The following FAT3 variants were observed in gnomAD, a reference collection of about 807,000 sequenced individuals.
The protein encoded by FAT3 is FAT atypical cadherin 3, also known as protocadherin Fat 3.
In FAT3, 95 loss-of-function variants were observed where a neutral mutation model predicts 310.2. The ratio of observed to expected loss-of-function variants is 0.31; its 90% CI spans 0.26 to 0.36. The LOEUF is 0.36. Among genes scored for constraint, FAT3 ranks in the 10% least tolerant of loss-of-function variants. FAT3 has a pLI of 1.00. For missense variants in FAT3, 5,408 were observed against 5,715.6 expected, an observed-to-expected ratio of 0.95 and a Z score of 1.74; for synonymous variants, 2,314 against 2,192.9, an observed-to-expected ratio of 1.06 and a Z score of -1.54.
chr11:92,636,466 A>G (rs541036699), intron 3 of FAT3, among the ~76,000 whole-genome samples: 13 of 152,312 alleles, frequency 8.5e-5, no homozygotes, highest in African/African-American at 3.1e-4. Flanking sequence ...ATCTTCTTAA[A>G]GGACTTACTG....
chr11:92,814,188 A>G (rs1333875877), intron 13 of FAT3, among the ~76,000 whole-genome samples: 5 of 152,222 alleles, frequency 3.3e-5, no homozygotes, highest in African/African-American at 7.2e-5. Flanking sequence ...GGTATTTTTT[A>G]TAGCCCAAAC....
At position 92,712,593 on chromosome 11, in the gene FAT3, G is replaced by GAA. The variant is rs5793618; in HGVS notation, c.3669+15155_3669+15156dup. 4.2e-3 allele frequency among the ~76,000 whole-genome samples: 631 copies of GAA among 151,710 alleles called. 3 individuals are homozygous for GAA. The highest frequency in any genetic ancestry group is 6.8e-3 in the Middle Eastern group (2 of 294). ...AAGTAAATATTAGCTGAATTAAAAT[G>GAA]AAAAAAAATATATTCTTACCTTCTC... On this transcript the variant is annotated intron_variant, in intron 4 of 27. Coordinates refer to ENST00000525166, the MANE Select transcript of FAT3 (RefSeq NM_001367949.2).
chr11:92,652,746 T>G (rs1942431375), intron 3 of FAT3, among the ~76,000 whole-genome samples: 1 of 152,212 alleles, frequency 6.6e-6, no homozygotes, highest in Admixed American at 6.5e-5. Flanking sequence ...CCTGTAATAA[T>G]TTCCCCTTTA....
intron 3 of FAT3, among the ~76,000 whole-genome samples, chr11:92,543,748 T>C (rs935825197): frequency 1.3e-5 from 2 of 152,228 alleles, no homozygotes; most frequent in African/African-American, 4.8e-5. Context: ...GAGTTGATGA[T>C]ATTGTTCTGC....
rs773233388 is a variant in FAT3, at chr11:92,790,044, C to T, written c.4437C>T (p.Ile1479=). The stretch of plus-strand genomic sequence containing the variant: ...AGGATGTGCTTCCAGACACGGAGAT[C>T]CTGCAGATTGAAGCCACAGATAGAG... The part of the protein sequence containing the change: ...ISEDVLPDTE[I]LQIEATDRDE... Residue 1479 remains isoleucine (I), a synonymous_variant, in exon 8 of 28, where the codon ATC becomes ATT. Coordinates refer to ENST00000525166, the MANE Select transcript of FAT3 (RefSeq NM_001367949.2). 1.2e-5 allele frequency: 20 copies of T among 1,613,824 alleles called. No individual in the cohort carries two copies. Among genetic ancestry groups the T allele is most frequent in the Admixed American group, 3.3e-5 (2 of 60,010 alleles).
intron 2 of FAT3, among the ~76,000 whole-genome samples, chr11:92,429,440 T>C (rs537213843): frequency 6.6e-6 from 1 of 152,326 alleles, no homozygotes; most frequent in South Asian, 2.1e-4. Context: ...AGCTGATTAT[T>C]TTGCCCATTA....
chr11:92,815,346 G>A (rs924369501), intron 13 of FAT3, among the ~76,000 whole-genome samples: 16 of 151,990 alleles, frequency 1.1e-4, no homozygotes, highest in African/African-American at 3.9e-4. Context: ...GGCTGAGGAG[G>A]GCAGATCACA....
At chr11:92,847,214 C>G (rs1163567422) in intron 19 of FAT3, among the ~76,000 whole-genome samples, 1 of 152,146 alleles carries the variant, frequency 6.6e-6, no homozygotes, top group Admixed American at 6.5e-5. Context: ...TAGTCCCATA[C>G]GATTATAATA....
chr11:92,269,599 C>T (rs1021034638), intron 1 of FAT3, among the ~76,000 whole-genome samples: 22 of 152,086 alleles, frequency 1.4e-4, no homozygotes, highest in Admixed American at 7.9e-4. Context: ...GAGGATTTCT[C>T]ATTAGAAGTT....
chr11:92,842,764 A>G (rs1046730922), intron 18 of FAT3, among the ~76,000 whole-genome samples: 13 of 152,178 alleles, frequency 8.5e-5, no homozygotes, highest in Admixed American at 5.2e-4. Context: ...CTATATTCCC[A>G]GCTACTCAGG....
At chr11:92,754,245 A>T (rs1323761401) in intron 4 of FAT3, among the ~76,000 whole-genome samples, 1 of 152,156 alleles carries the variant, frequency 6.6e-6, no homozygotes, top group Non-Finnish European at 1.5e-5. Context: ...AACACTTGAG[A>T]TATGGAAACA....
intron 3 of FAT3, among the ~76,000 whole-genome samples, chr11:92,612,996 G>T (rs569485980): frequency 6.6e-6 from 1 of 152,266 alleles, no homozygotes; most frequent in East Asian, 1.9e-4. Flanking sequence ...CAGCATAATA[G>T]GTAGGACGGG....
At chr11:92,731,939 G>T (rs1441277237) in intron 4 of FAT3, among the ~76,000 whole-genome samples, 3 of 152,136 alleles carry the variant, frequency 2.0e-5, no homozygotes, top group African/African-American at 7.2e-5. Context: ...TTTGTTGAAT[G>T]AATGACTTTA....
intron 21 of FAT3, among the ~76,000 whole-genome samples, 178 bp downstream of exon 21, chr11:92,859,500 G>A (rs1404009876): frequency 6.6e-6 from 1 of 152,132 alleles, no homozygotes; most frequent in Non-Finnish European, 1.5e-5. Context: ...ATTTCCTTTT[G>A]AACATTCAGC....
intron 1 of FAT3, among the ~76,000 whole-genome samples, chr11:92,325,028 A>T (rs958602121): frequency 1.3e-5 from 2 of 152,228 alleles, no homozygotes; most frequent in Non-Finnish European, 2.9e-5. Flanking sequence ...CGTTTCAAAC[A>T]TGCTAGTTAA....
At chr11:92,350,960 T>G (rs145256242) in intron 1 of FAT3, among the ~76,000 whole-genome samples, 244 of 152,306 alleles carry the variant, frequency 1.6e-3, no homozygotes, top group African/African-American at 5.5e-3. Flanking sequence ...ATGAATAGAC[T>G]TAACTTTTTC....
chr11:92,777,255 T>C (rs1490353528), intron 7 of FAT3, among the ~76,000 whole-genome samples: 1 of 152,200 alleles, frequency 6.6e-6, no homozygotes, highest in Non-Finnish European at 1.5e-5. Flanking sequence ...GTTCAAGTCA[T>C]CCATAAACAA....
intron 3 of FAT3, among the ~76,000 whole-genome samples, chr11:92,603,774 G>T (rs779038256): frequency 6.6e-6 from 1 of 152,112 alleles, no homozygotes; most frequent in Non-Finnish European, 1.5e-5. Flanking sequence ...AACTAGCATT[G>T]GAAATATAGT....
intron 1 of FAT3, among the ~76,000 whole-genome samples, chr11:92,283,277 G>A (rs976638257): frequency 9.9e-5 from 15 of 152,248 alleles, no homozygotes; most frequent in African/African-American, 3.4e-4. Flanking sequence ...TTGCCCATGA[G>A]TGAAGAGGCA....
Sources: allele counts gnomAD v4.1 joint callset (sites outside exome capture counted in the v4.1 genomes callset), GRCh38; gene constraint gnomAD v4.1.1; transcripts MANE v1.5; gene names NCBI Gene and HGNC (gene_info 2026-07-23, HGNC 2026-07-21).